PHGDH: variants seen among roughly 807,000 people sequenced by gnomAD.
PHGDH encodes D-3-phosphoglycerate dehydrogenase.
A neutral mutation model predicts 52.6 loss-of-function variants in PHGDH; 50 were observed. The observed-to-expected ratio is 0.95, with a 90% CI of 0.76 to 1.20. PHGDH has a LOEUF of 1.20. Among genes scored for constraint, PHGDH ranks in the 50% most tolerant of loss-of-function variants. The probability of loss-of-function intolerance (pLI) is 0.00; values close to 1 mark genes in which losing one functional copy is unlikely to be tolerated. For missense variants in PHGDH, 630 were observed against 684.6 expected (o/e 0.92, Z 0.89); for synonymous variants, 271 against 280.5 (o/e 0.97, Z 0.34).
At chr1:119,729,685 T>A (rs1327835485) in intron 5 of PHGDH, 1 of 152,184 alleles carries the variant, frequency 6.6e-6, no homozygotes, top group Non-Finnish European at 1.5e-5. Flanking sequence ...CTGGGATGCT[T>A]CCAAGAGGTG....
intron 1 of PHGDH, among the ~76,000 whole-genome samples, chr1:119,718,691 A>C (rs1399977309): frequency 6.6e-6 from 1 of 152,222 alleles, no homozygotes; most frequent in East Asian, 1.9e-4. Flanking sequence ...AGTTGTGAAG[A>C]GAATAATGTA....
chr1:119,738,283 G>T (rs891202884), intron 8 of PHGDH, among the ~76,000 whole-genome samples: 1 of 152,164 alleles, frequency 6.6e-6, no homozygotes, highest in Admixed American at 6.5e-5. Flanking sequence ...GAGAGACGGG[G>T]ATTTTGGTTC....
chr1:119,728,214 T>A (rs587682844), intron 5 of PHGDH, among the ~76,000 whole-genome samples: 1 of 152,298 alleles, frequency 6.6e-6, no homozygotes, highest in East Asian at 1.9e-4. Flanking sequence ...GACTATAGGA[T>A]CACCAAGGTT....
intron 3 of PHGDH, among the ~76,000 whole-genome samples, chr1:119,725,881 C>G (rs1172644664): frequency 6.6e-6 from 1 of 152,208 alleles, no homozygotes; most frequent in Non-Finnish European, 1.5e-5. Context: ...GTTGGGTGAT[C>G]TGGGGAGAAC....
intron 8 of PHGDH, among the ~76,000 whole-genome samples, chr1:119,738,671 TC>T (rs1652051783): frequency 6.6e-6 from 1 of 152,060 alleles, no homozygotes; most frequent in Non-Finnish European, 1.5e-5. Flanking sequence ...CTGTCTGCCT[TC>T]CCCATCGCAG....
chr1:119,740,536 C>A lies in PHGDH; in HGVS notation c.1078+18C>A. The A allele has an allele frequency of 1.3e-6, 2 of 1,551,876 alleles. No homozygotes were observed. The highest frequency in any genetic ancestry group is 1.7e-4 in the Middle Eastern group (1 of 5,976). ...AACACAGGGTGAGCTGGGGACCTTGCAGAGGGAGGGGGAGGAGGGGATGAG... is the reference window on the plus strand; with the variant it reads ...AACACAGGGTGAGCTGGGGACCTTGAAGAGGGAGGGGGAGGAGGGGATGAG... On this transcript the variant is annotated intron_variant, in intron 9 of 11. Coordinates refer to ENST00000641023, the MANE Select transcript of PHGDH (RefSeq NM_006623.4).
chr1:119,738,360 A>G (rs1204953217), intron 8 of PHGDH, among the ~76,000 whole-genome samples: 1 of 152,186 alleles, frequency 6.6e-6, no homozygotes, highest in Non-Finnish European at 1.5e-5. Context: ...TCCTGAGGAA[A>G]GAAGGGTGCC....
Position 119,737,115 on chromosome 1 carries a change from A to C in PHGDH, c.794A>C (p.Glu265Ala). 6.2e-7 allele frequency: 1 copy of C among 1,614,058 alleles called. No individual in the cohort carries two copies. The highest frequency in any genetic ancestry group is 8.5e-7 in the Non-Finnish European group (1 of 1,179,962). Residue 265 changes from glutamate (E) to alanine (A), a missense_variant and splice_region_variant, in exon 8 of 12, where the codon GAG becomes GCG. Coordinates refer to ENST00000641023, the MANE Select transcript of PHGDH (RefSeq NM_006623.4). ...TTAGAGGTATCTCTTTCTGGGCAGG[A>C]GCCGCCACGGGACCGGGCCTTGGTG... ...AGAALDVFTE[E>A]PPRDRALVDH...
At chr1:119,720,964 C>T (rs1237694508) in intron 1 of PHGDH, 3 of 615,280 alleles carry the variant, frequency 4.9e-6, no homozygotes, top group Non-Finnish European at 8.9e-6. Flanking sequence ...GGCACAGTCT[C>T]CTCCACTCTA....
chr1:119,719,013 C>G (rs1651040872), intron 1 of PHGDH, among the ~76,000 whole-genome samples: 1 of 152,102 alleles, frequency 6.6e-6, no homozygotes, highest in Admixed American at 6.5e-5. Context: ...TAAAGTGTGT[C>G]CAGGCAGGGA....
intron 1 of PHGDH, chr1:119,714,454 A>G (rs1650830911): frequency 6.6e-6 from 1 of 152,220 alleles, no homozygotes; most frequent in African/African-American, 2.4e-5. Flanking sequence ...CAAAGTAGGA[A>G]ATATCAGACA....
At chr1:119,721,931 G>A (rs587635948) in intron 2 of PHGDH, among the ~76,000 whole-genome samples, 3 of 152,330 alleles carry the variant, frequency 2.0e-5, no homozygotes, top group Admixed American at 1.3e-4. Context: ...TCATCAGCAC[G>A]CCAGTGCTGT....
intron 5 of PHGDH, among the ~76,000 whole-genome samples, chr1:119,731,891 T>C (rs1374285633): frequency 3.3e-5 from 5 of 152,218 alleles, no homozygotes; most frequent in African/African-American, 4.8e-5. Context: ...GAATGCTTAC[T>C]GCCCAGAGCA....
chr1:119,740,692 G>A (rs587613351), intron 9 of PHGDH, among the ~76,000 whole-genome samples, 174 bp downstream of exon 9: 1 of 152,158 alleles, frequency 6.6e-6, no homozygotes, highest in East Asian at 1.9e-4. Context: ...TAAAGGGAGG[G>A]GTTAAAAAAA....
chr1:119,724,509 G>GGTCTCAGCAC, intron 3 of PHGDH: 1 of 346,888 alleles, frequency 2.9e-6, no homozygotes, highest in Non-Finnish European at 5.6e-6. Flanking sequence ...GAGAAACAGG[G>GGTCTCAGCAC]ATAGCTTACA....
intron 10 of PHGDH, chr1:119,742,569 G>C: frequency 1.7e-6 from 1 of 601,346 alleles, no homozygotes; most frequent in South Asian, 2.0e-5. Context: ...CCAAGCCTTC[G>C]CCTGTGCCTG....
chr1:119,742,702 C>CA, intron 10 of PHGDH, 105 bp from the exon 11 acceptor site: 1 of 762,254 alleles, frequency 1.3e-6, no homozygotes, highest in Non-Finnish European at 2.3e-6. Context: ...AGCACATTAT[C>CA]CAGGCTGGAG....
At chr1:119,718,849 G>T (rs2101149987) in intron 1 of PHGDH, among the ~76,000 whole-genome samples, 1 of 152,200 alleles carries the variant, frequency 6.6e-6, no homozygotes, top group East Asian at 1.9e-4. Context: ...TAACTAAGGA[G>T]ACCAAAACTG....
At chr1:119,736,826 TAAAG>T (rs1286769530) in intron 7 of PHGDH, among the ~76,000 whole-genome samples, 6 of 152,214 alleles carry the variant, frequency 3.9e-5, no homozygotes, top group Non-Finnish European at 8.8e-5. Context: ...ATTTCACAGA[TAAAG>T]AAACTGAGGC....
Sources: gnomAD v4.1 joint callset for allele counts (sites outside exome capture counted in the v4.1 genomes callset) on GRCh38, gnomAD v4.1.1 for gene constraint, MANE v1.5 for transcripts, NCBI Gene and HGNC (gene_info 2026-07-23, HGNC 2026-07-21) for gene names.